The following MYH9 variants were observed in gnomAD, a reference collection of about 807,000 sequenced individuals.
MYH9 encodes myosin-9.
MYH9 carries 29 observed loss-of-function variants against 241.9 expected under a neutral mutation model. The ratio of observed to expected loss-of-function variants is 0.12; its 90% CI spans 0.09 to 0.16. The LOEUF (loss-of-function observed/expected upper bound fraction) is 0.16. Ranked by LOEUF, MYH9 falls within the 10% of genes least tolerant of loss-of-function variation. The pLI is 1.00. For synonymous variants in MYH9, 1,047 were observed against 1,062.6 expected (o/e 0.99, Z 0.29); for missense variants, 1,803 against 2,595.5 (o/e 0.69, Z 6.63).
chr22:36,303,790 A>AT (rs1423525646), intron 19 of MYH9, among the ~76,000 whole-genome samples: 12 of 148,884 alleles, frequency 8.1e-5, no homozygotes, highest in Non-Finnish European at 3.0e-5. Flanking sequence ...GTCTCAAAAA[A>AT]AAAAAAAAAA....
chr22:36,328,375 A>T (rs898913169), intron 3 of MYH9, among the ~76,000 whole-genome samples: 1 of 152,238 alleles, frequency 6.6e-6, no homozygotes, highest in Non-Finnish European at 1.5e-5. Flanking sequence ...AGTACTGGGT[A>T]TTCAAGCAAC....
chr22:36,334,520 C>A (rs1162550826), intron 3 of MYH9, among the ~76,000 whole-genome samples: 4 of 152,246 alleles, frequency 2.6e-5, no homozygotes, highest in African/African-American at 9.6e-5. Context: ...CTATCGCGTT[C>A]CAGTGTGTGG....
intron 3 of MYH9, among the ~76,000 whole-genome samples, chr22:36,340,794 C>G (rs1373459842): frequency 6.6e-6 from 1 of 152,066 alleles, no homozygotes; most frequent in African/African-American, 2.4e-5. Context: ...GTTGGCCAGT[C>G]TGGAGAAGGG....
chr22:36,356,444 G>A (rs1348742968), intron 1 of MYH9, among the ~76,000 whole-genome samples: 2 of 151,934 alleles, frequency 1.3e-5, no homozygotes, highest in African/African-American at 4.8e-5. Context: ...AGCCAGGCGT[G>A]GTGGCGCGTG....
Position 36,293,879 on chromosome 22 carries a change from A to T in MYH9, c.3838-16T>A, listed in dbSNP as rs1194425142. The T allele has an allele frequency of 1.9e-6, 3 of 1,608,844 alleles. No individual in the cohort carries two copies. Among genetic ancestry groups the T allele is most frequent in the Non-Finnish European group, 2.5e-6 (3 of 1,177,554 alleles). The stretch of plus-strand genomic sequence containing the variant: ...CCAGCTCCACCTGCACCGGGCGGGG[A>T]GACACAAAGGACCATGGACCCACCC... On this transcript the variant is annotated splice_polypyrimidine_tract_variant and intron_variant, in intron 28 of 40. Transcript: ENST00000216181. This position sits in a 1 kb window ranked among gnomAD's most constrained non-coding sequence, Gnocchi z 5.1.
chr22:36,331,758 C>T (rs74418200), intron 3 of MYH9, among the ~76,000 whole-genome samples: 58 of 152,346 alleles, frequency 3.8e-4, no homozygotes, highest in African/African-American at 1.3e-3. Context: ...CATGGAGCAG[C>T]TCTCTCGGGC....
intron 13 of MYH9, 113 bp from the exon 14 acceptor site, chr22:36,312,335 G>A (rs1326188637): frequency 1.1e-5 from 12 of 1,071,458 alleles, no homozygotes; most frequent in East Asian, 7.6e-5. Context: ...GACGGTGGGC[G>A]ACACACTCCC....
chr22:36,295,772 G>A lies in MYH9; in HGVS notation c.3273-55C>T. The A allele has an allele frequency of 3.3e-6, 5 of 1,523,956 alleles. No individual in the cohort carries two copies. The highest frequency in any genetic ancestry group is 4.5e-6 in the Non-Finnish European group (5 of 1,115,748). 94.4% of individuals were successfully genotyped at this position (1,523,956 alleles called of 1,614,324 possible). A position where few individuals can be genotyped will look rare whatever the true frequency, so the allele number is the denominator to read the frequency against. ...AGGAGAGTTTCACCTCCAAGGAGCA[G>A]AGTTTGCAGGACAGGCCTGAGAGAG... On this transcript the variant is annotated intron_variant, in intron 25 of 40. Coordinates refer to ENST00000216181, the MANE Select transcript of MYH9 (RefSeq NM_002473.6). This position sits in a 1 kb window ranked among gnomAD's most constrained non-coding sequence, Gnocchi z 4.1.
chr22:36,322,265 C>G (rs769551601), intron 6 of MYH9, among the ~76,000 whole-genome samples, 164 bp downstream of exon 6: 5 of 152,236 alleles, frequency 3.3e-5, no homozygotes, highest in African/African-American at 4.8e-5. Flanking sequence ...CAGGTCCACA[C>G]CAACTGGCAT....
At position 36,322,459 on chromosome 22, in the gene MYH9, C is replaced by T. The variant is rs776603431; in HGVS notation, c.675G>A (p.Lys225=). 5.2e-5 allele frequency: 84 copies of T among 1,613,834 alleles called. 4 individuals carry two copies. The South Asian group carries it at 9.0e-4, about 17-fold the overall frequency. ...GGGAGGAGTTGTCATTCTTCACGGT[C>T]TTGGCGTTCCCGAAGGCCTCCAGGA... The part of the protein sequence containing the change: ...NPILEAFGNA[K]TVKNDNSSRF... Residue 225 remains lysine, a synonymous_variant, in exon 6 of 41, where the codon AAG becomes AAA. Transcript: ENST00000216181.
chr22:36,378,409 G>T (rs1357113077), intron 1 of MYH9, among the ~76,000 whole-genome samples: 1 of 152,256 alleles, frequency 6.6e-6, no homozygotes, highest in Middle Eastern at 3.4e-3. Context: ...AAGGCGGGGG[G>T]TCTGCTCCTA....
rs1051323230 is a variant in MYH9, at chr22:36,329,663, C to T, written c.491-2175G>A. On this transcript the variant is annotated intron_variant, in intron 3 of 40. Transcript: ENST00000216181. The surrounding 1 kb of genome is among the most constrained non-coding windows in gnomAD (Gnocchi z 4.1). ...GAGGAACCGTTTTCCCAGGGCTGTC[C>T]CTAGGATGGCTGGAATTCCTCTAAT... 1.7e-4 allele frequency among the ~76,000 whole-genome samples: 26 copies of T among 152,160 alleles called. No individual in the cohort carries two copies. The highest frequency in any genetic ancestry group is 5.8e-4 in the African/African-American group (24 of 41,436).
intron 3 of MYH9, among the ~76,000 whole-genome samples, chr22:36,336,434 CG>C (rs1569536350): frequency 6.6e-6 from 1 of 152,228 alleles, no homozygotes; most frequent in Non-Finnish European, 1.5e-5. Context: ...GTGCCTGCCC[CG>C]GGACACAGTC....
rs8141189 is a variant in MYH9 at position 36,318,665 on chromosome 22, T to A, written c.1109-340A>T. On this transcript the variant is annotated intron_variant, in intron 10 of 40. Transcript: ENST00000216181. Reference sequence around the variant, plus strand: ...TTCCTCTGTCCACTCTCAGCCGCACTCCTCAGAGTGTAAAAGCAGGTCCCT... The same window carrying A: ...TTCCTCTGTCCACTCTCAGCCGCACACCTCAGAGTGTAAAAGCAGGTCCCT... 0.08 allele frequency among the ~76,000 whole-genome samples: 12,140 copies of A among 152,136 alleles called. 1,678 individuals carry two copies. Among genetic ancestry groups the A allele is most frequent in the African/African-American group, 0.28 (11,563 of 41,452 alleles).
At chr22:36,352,599 C>T (rs192073570) in intron 1 of MYH9, among the ~76,000 whole-genome samples, 47 of 152,344 alleles carry the variant, frequency 3.1e-4, no homozygotes, top group African/African-American at 9.6e-4. Context: ...ACCCAACCAA[C>T]TGCCCTCAGA....
chr22:36,382,295 T>C (rs1317004115), intron 1 of MYH9, among the ~76,000 whole-genome samples: 2 of 151,076 alleles, frequency 1.3e-5, no homozygotes, highest in East Asian at 3.9e-4. Flanking sequence ...GCCAACATGG[T>C]GAAACCCCAT....
chr22:36,311,514 A>C (rs2017063369), intron 14 of MYH9, among the ~76,000 whole-genome samples: 1 of 152,146 alleles, frequency 6.6e-6, no homozygotes, highest in Non-Finnish European at 1.5e-5. Flanking sequence ...CACAACAAAG[A>C]ATGACCCAGC....
At position 36,320,940 on chromosome 22, in the gene MYH9, G is replaced by A. The variant is rs560672409; in HGVS notation, c.770-44C>T. 3.9e-6 allele frequency: 6 copies of A among 1,536,268 alleles called. 1 individual carries two copies. The highest frequency in any genetic ancestry group is 2.3e-5 in the East Asian group (1 of 44,286). On this transcript the variant is annotated intron_variant, in intron 7 of 40. Transcript: ENST00000216181. This position sits in a 1 kb window ranked among gnomAD's most constrained non-coding sequence, Gnocchi z 4.8. ...GCAACACAAGCTGGGGAGAAGGCAAGCCCTCCACTTTCCTCATTTTTTTTT... is the reference window on the plus strand; with the variant it reads ...GCAACACAAGCTGGGGAGAAGGCAAACCCTCCACTTTCCTCATTTTTTTTT...
At chr22:36,387,332 G>A (rs2018369759) in intron 1 of MYH9, among the ~76,000 whole-genome samples, 1 of 152,250 alleles carries the variant, frequency 6.6e-6, no homozygotes, top group South Asian at 2.1e-4. Context: ...TTACCTCCGT[G>A]CCTCAGACGC....
Sources: allele counts gnomAD v4.1 joint callset (sites outside exome capture counted in the v4.1 genomes callset), GRCh38; gene constraint gnomAD v4.1.1; non-coding constraint Gnocchi (gnomAD v3.1); transcripts MANE v1.5; gene names NCBI Gene and HGNC (gene_info 2026-07-23, HGNC 2026-07-21).